Variants in ENTREP2 observed in about 807,000 individuals in gnomAD.
ENTREP2 encodes protein ENTREP2.
At chr15:29,269,515 GAGGGGC>G in the ENTREP2 span, 1 of 1,589,252 alleles carries the variant, frequency 6.3e-7, no homozygotes, top group East Asian at 2.3e-5. Context: ...GCCCTGAGGC[GAGGGGC>G]CCTGCGACCC....
At chr15:29,461,731 C>A in the ENTREP2 span, among the ~76,000 whole-genome samples, 1 of 152,130 alleles carries the variant, frequency 6.6e-6, no homozygotes, top group Non-Finnish European at 1.5e-5. Flanking sequence ...CTTCGGCCTC[C>A]CATAGTGCTG....
the ENTREP2 span, among the ~76,000 whole-genome samples, chr15:29,616,695 G>A: frequency 6.6e-6 from 1 of 152,124 alleles, no homozygotes; most frequent in African/African-American, 2.4e-5. Context: ...TTACAGACAA[G>A]TATTTTGCTT....
At chr15:29,492,841 T>G in the ENTREP2 span, among the ~76,000 whole-genome samples, 1 of 151,758 alleles carries the variant, frequency 6.6e-6, no homozygotes. Context: ...CCGTCTCTAC[T>G]AAAAATACAA....
At chr15:29,491,069 G>A in the ENTREP2 span, among the ~76,000 whole-genome samples, 3 of 152,186 alleles carry the variant, frequency 2.0e-5, 1 homozygote, top group South Asian at 4.1e-4. Context: ...GGCACAGGCG[G>A]GCCAGCAGTG....
At chr15:29,343,475 C>T in the ENTREP2 span, among the ~76,000 whole-genome samples, 1 of 152,138 alleles carries the variant, frequency 6.6e-6, no homozygotes, top group East Asian at 1.9e-4. Flanking sequence ...GAAACCTCAA[C>T]ACCTACCTAA....
the ENTREP2 span, among the ~76,000 whole-genome samples, chr15:29,241,857 A>AC: frequency 0.011 from 1,641 of 150,346 alleles, 15 homozygotes; most frequent in Non-Finnish European, 0.015. Flanking sequence ...ATACAGTGAG[A>AC]CCCCCCCCCA....
chr15:29,257,208 G>C, the ENTREP2 span, among the ~76,000 whole-genome samples: 2 of 151,974 alleles, frequency 1.3e-5, no homozygotes, highest in African/African-American at 4.8e-5. Flanking sequence ...CAAGTAGCTG[G>C]GATTACAGGC....
At chr15:29,535,509 C>T in the ENTREP2 span, among the ~76,000 whole-genome samples, 306 of 152,112 alleles carry the variant, frequency 2.0e-3, 1 homozygote, top group African/African-American at 6.9e-3. Context: ...TGGTGAGACC[C>T]TGTCTCTACA....
chr15:29,468,053 C>T, the ENTREP2 span, among the ~76,000 whole-genome samples: 9 of 152,058 alleles, frequency 5.9e-5, no homozygotes, highest in South Asian at 2.1e-4. Flanking sequence ...GTGGATGGTA[C>T]GTGCCGGACA....
At chr15:29,644,398 G>A in the ENTREP2 span, among the ~76,000 whole-genome samples, 3 of 152,126 alleles carry the variant, frequency 2.0e-5, no homozygotes, top group East Asian at 5.8e-4. Flanking sequence ...ACTTTACATG[G>A]GCAGATTGCC....
chr15:29,463,325 G>A, the ENTREP2 span, among the ~76,000 whole-genome samples: 1 of 152,028 alleles, frequency 6.6e-6, no homozygotes, highest in Admixed American at 6.6e-5. Flanking sequence ...CCTGGAGAAA[G>A]TATCAGGAAA....
At chr15:29,147,521 C>T in the ENTREP2 span, among the ~76,000 whole-genome samples, 21 of 151,588 alleles carry the variant, frequency 1.4e-4, no homozygotes, top group Non-Finnish European at 2.5e-4. Flanking sequence ...AATGAAATAC[C>T]ACTTCACCAC....
the ENTREP2 span, among the ~76,000 whole-genome samples, chr15:29,402,990 A>G: frequency 1.3e-4 from 20 of 152,246 alleles, no homozygotes; most frequent in African/African-American, 2.9e-4. Context: ...CACCACTTCA[A>G]TGTGAGGGCC....
the ENTREP2 span, among the ~76,000 whole-genome samples, chr15:29,389,103 T>A: frequency 6.6e-6 from 1 of 150,440 alleles, no homozygotes; most frequent in Admixed American, 6.6e-5. Context: ...CCCTAGAACT[T>A]AAAGTATAAT....
the ENTREP2 span, among the ~76,000 whole-genome samples, chr15:29,658,083 C>G: frequency 1.3e-5 from 2 of 152,016 alleles, no homozygotes; most frequent in African/African-American, 4.8e-5. Context: ...GTGTTCTCAC[C>G]CAAATCTTAT....
At chr15:29,371,911 A>AATAGATAG in the ENTREP2 span, among the ~76,000 whole-genome samples, 10,245 of 149,536 alleles carry the variant, frequency 0.069, 444 homozygotes, top group Middle Eastern at 0.12. Flanking sequence ...AAAATAAATA[A>AATAGATAG]ATAGATAGAT....
the ENTREP2 span, among the ~76,000 whole-genome samples, chr15:29,356,636 A>G: frequency 6.6e-6 from 1 of 151,974 alleles, no homozygotes; most frequent in African/African-American, 2.4e-5. Context: ...ATATTGATAT[A>G]GAAGTTAAAA....
chr15:29,342,944 C>T, the ENTREP2 span, among the ~76,000 whole-genome samples: 2 of 147,022 alleles, frequency 1.4e-5, no homozygotes, highest in South Asian at 2.2e-4. Flanking sequence ...TATTTAGCCA[C>T]GTAAAAGTTT....
At chr15:29,574,609 A>G in the ENTREP2 span, among the ~76,000 whole-genome samples, 2 of 152,202 alleles carry the variant, frequency 1.3e-5, no homozygotes, top group Non-Finnish European at 2.9e-5. Flanking sequence ...ATTGTTCTTA[A>G]GCAAAGCATG....
Sources: gnomAD v4.1 joint callset for allele counts (sites outside exome capture counted in the v4.1 genomes callset) on GRCh38, gnomAD v4.1.1 for gene constraint, MANE v1.5 for transcripts, NCBI Gene and HGNC (gene_info 2026-07-23, HGNC 2026-07-21) for gene names.